The following SLIT3 variants were observed in gnomAD, a reference collection of about 807,000 sequenced individuals.
SLIT3 encodes slit guidance ligand 3, also known as slit homolog 3 protein.
Under a neutral mutation model 184.0 loss-of-function variants are expected in SLIT3, and 68 were observed. That is an observed-to-expected ratio of 0.37 (90% CI 0.30 to 0.45). The LOEUF (loss-of-function observed/expected upper bound fraction) is 0.45, where lower values mean the gene tolerates loss of function less well. SLIT3 is among the 20% of genes least tolerant of loss of function. The pLI is 1.00. For synonymous variants in SLIT3, 831 were observed against 828.6 expected (o/e 1.00, Z -0.05); for missense variants, 1,707 against 2,026.0 (o/e 0.84, Z 3.02).
At chr5:169,082,746 GTTGT>G (rs2113166996) in intron 4 of SLIT3, among the ~76,000 whole-genome samples, 1 of 152,338 alleles carries the variant, frequency 6.6e-6, no homozygotes, top group South Asian at 2.1e-4. Context: ...AAGATGTGAT[GTTGT>G]TTAATACTTC....
At chr5:169,294,593 C>T (rs1767447050) in intron 1 of SLIT3, among the ~76,000 whole-genome samples, 1 of 152,158 alleles carries the variant, frequency 6.6e-6, no homozygotes, top group Non-Finnish European at 1.5e-5. Context: ...CTGGATAGGG[C>T]CTGAGATGAA....
At chr5:169,199,363 C>A (rs920642074) in intron 3 of SLIT3, among the ~76,000 whole-genome samples, 1 of 151,952 alleles carries the variant, frequency 6.6e-6, no homozygotes, top group East Asian at 1.9e-4. Flanking sequence ...TACAGGAGTG[C>A]GGGTATGAAA....
intron 6 of SLIT3, among the ~76,000 whole-genome samples, chr5:168,832,699 G>A (rs1467078096): frequency 6.6e-6 from 1 of 152,190 alleles, no homozygotes; most frequent in Non-Finnish European, 1.5e-5. Flanking sequence ...ACTGTGTTAT[G>A]CTGGAATGGG....
intron 4 of SLIT3, among the ~76,000 whole-genome samples, chr5:168,917,472 T>C (rs535503071): frequency 6.6e-6 from 1 of 152,330 alleles, no homozygotes; most frequent in South Asian, 2.1e-4. Flanking sequence ...TTGTTTTTTA[T>C]TGATATTCCA....
intron 3 of SLIT3, among the ~76,000 whole-genome samples, chr5:169,218,549 GT>G (rs1024762727): frequency 2.1e-4 from 32 of 152,206 alleles, no homozygotes; most frequent in Non-Finnish European, 4.3e-4. Context: ...GGGATTGAGA[GT>G]TTAGAGCTCT....
intron 7 of SLIT3, among the ~76,000 whole-genome samples, chr5:168,822,016 T>C (rs1052088300): frequency 2.6e-5 from 4 of 152,216 alleles, no homozygotes; most frequent in Non-Finnish European, 4.4e-5. Context: ...CTGGAGGGCT[T>C]ATGAAAAACA....
Position 168,785,813 on chromosome 5 carries a change from G to T in SLIT3, c.1151+94C>A. The T allele has an allele frequency of 6.8e-6, 6 of 884,314 alleles. No homozygotes were observed. In the Middle Eastern group the frequency reaches 8.8e-4, roughly 130 times the overall value. 54.8% of individuals were successfully genotyped at this position (884,314 alleles called of 1,614,324 possible). On this transcript the variant is annotated intron_variant, in intron 12 of 35. Transcript: ENST00000519560. The stretch of plus-strand genomic sequence containing the variant: ...TTTTTTTCTCTTTTGTCTGCAGAAA[G>T]TCAAAAGAACTCTCCAGAGCATGGC...
At chr5:168,933,192 G>T (rs1015608699) in intron 4 of SLIT3, among the ~76,000 whole-genome samples, 3 of 152,162 alleles carry the variant, frequency 2.0e-5, no homozygotes, top group African/African-American at 7.2e-5. Flanking sequence ...TATGAGAAAG[G>T]ACTTTAAGAC....
At chr5:168,854,698 C>G (rs928049660) in intron 5 of SLIT3, among the ~76,000 whole-genome samples, 1 of 152,170 alleles carries the variant, frequency 6.6e-6, no homozygotes, top group African/African-American at 2.4e-5. Context: ...ATGGCCTTCC[C>G]CAGAGGTGAC....
intron 14 of SLIT3, among the ~76,000 whole-genome samples, chr5:168,766,960 G>T (rs1429824070): frequency 1.3e-5 from 2 of 152,190 alleles, no homozygotes; most frequent in African/African-American, 4.8e-5. Context: ...AAGGCAATGG[G>T]GTTGTCCACA....
In SLIT3 at chr5:168,708,036, G is replaced by A. The variant is rs62377322; in HGVS notation, c.2784C>T (p.Asn928=). The A allele has an allele frequency of 0.019, 30,028 of 1,614,172 alleles. 371 individuals are homozygous for A. Among genetic ancestry groups the A allele is most frequent in the Non-Finnish European group, 0.023 (27,004 of 1,180,018 alleles). The stretch of plus-strand genomic sequence containing the variant: ...CCACAGGGTCCTGGGTGCATGTCCC[G>A]TTATTCTTGCACGGGCTGGAGAGGC... ...NACLSSPCKN[N]GTCTQDPVEL... is the part of the protein sequence containing the mutation. Residue 928 remains asparagine (N), a synonymous_variant, in exon 26 of 36, where the codon AAC becomes AAT. Coordinates refer to ENST00000519560, the MANE Select transcript of SLIT3 (RefSeq NM_003062.4).
intron 4 of SLIT3, among the ~76,000 whole-genome samples, chr5:168,945,658 T>C (rs1189871373): frequency 6.6e-6 from 1 of 152,238 alleles, no homozygotes; most frequent in Non-Finnish European, 1.5e-5. Flanking sequence ...CTAGGTCTGC[T>C]TTCAGTTATT....
chr5:169,209,794 C>T (rs1371853418), intron 3 of SLIT3, among the ~76,000 whole-genome samples: 2 of 151,678 alleles, frequency 1.3e-5, no homozygotes, highest in Admixed American at 6.6e-5. Context: ...CAGGATCTGT[C>T]GGGGGTAGGG....
chr5:169,003,915 G>A (rs1236938893), intron 4 of SLIT3, among the ~76,000 whole-genome samples: 1 of 152,140 alleles, frequency 6.6e-6, no homozygotes, highest in Non-Finnish European at 1.5e-5. Flanking sequence ...GATTTATCAG[G>A]CCTGTTGTGG....
chr5:168,805,448 C>T (rs755902603), intron 9 of SLIT3, among the ~76,000 whole-genome samples: 14 of 152,038 alleles, frequency 9.2e-5, no homozygotes, highest in Non-Finnish European at 7.4e-5. Context: ...AGTAGAAGGG[C>T]TCCATATAAT....
At chr5:168,952,345 C>T (rs748767421) in intron 4 of SLIT3, among the ~76,000 whole-genome samples, 8 of 152,066 alleles carry the variant, frequency 5.3e-5, no homozygotes, top group Non-Finnish European at 7.4e-5. Context: ...GGTGCTCCAG[C>T]TGTAAGAGGT....
chr5:169,206,012 C>T (rs1764055431), intron 3 of SLIT3, among the ~76,000 whole-genome samples: 1 of 152,156 alleles, frequency 6.6e-6, no homozygotes, highest in African/African-American at 2.4e-5. Context: ...GGGACATCCA[C>T]ATAAGGTTTC....
At chr5:169,033,981 T>G (rs2113532315) in intron 4 of SLIT3, among the ~76,000 whole-genome samples, 1 of 151,828 alleles carries the variant, frequency 6.6e-6, no homozygotes, top group East Asian at 1.9e-4. Flanking sequence ...CCCGGCTAAT[T>G]TTTTGTATTT....
chr5:168,795,044 C>T (rs1756519047), intron 10 of SLIT3, among the ~76,000 whole-genome samples: 2 of 152,168 alleles, frequency 1.3e-5, no homozygotes, highest in South Asian at 4.2e-4. Flanking sequence ...CTGCTCTATC[C>T]ATAGATCCTT....
Sources: allele counts gnomAD v4.1 joint callset (sites outside exome capture counted in the v4.1 genomes callset), GRCh38; gene constraint gnomAD v4.1.1; transcripts MANE v1.5; gene names NCBI Gene and HGNC (gene_info 2026-07-23, HGNC 2026-07-21).